Variants in TECTA observed in about 807,000 individuals in gnomAD.
The protein encoded by TECTA is alpha-tectorin.
In TECTA, 128 loss-of-function variants were observed where a neutral mutation model predicts 216.8. The ratio of observed to expected loss-of-function variants is 0.59; its 90% CI spans 0.51 to 0.68. The LOEUF is 0.68. Ranked by LOEUF, TECTA falls within the 30% of genes least tolerant of loss-of-function variation. TECTA has a pLI of 0.00. For synonymous variants in TECTA, 1,089 were observed against 1,117.1 expected, an observed-to-expected ratio of 0.97 and a Z score of 0.50; for missense variants, 2,551 against 2,786.2, an observed-to-expected ratio of 0.92 and a Z score of 1.90.
rs749069103 is a variant in TECTA at position 121,130,020 on chromosome 11, A to G, written c.2750A>G (p.Asp917Gly). 3 of 1,610,070 alleles carry G rather than the reference A, an allele frequency of 1.9e-6. No homozygotes were observed. In the African/African-American group the frequency reaches 4.0e-5, roughly 22 times the overall value. Residue 917 changes from aspartate (D) to glycine (G), a missense_variant, in exon 10 of 24, where the codon GAC becomes GGC. This residue lies in a region of TECTA where 2,375 missense variants were observed against 2,563.9 expected (regional missense o/e 0.93). Coordinates refer to ENST00000392793, the MANE Select transcript of TECTA (RefSeq NM_005422.4). ...CGCTCCAGGTGCGGCATCATCAACGACCCCTCCAACAGCTCCTTCCTGGAG... is the reference window on the plus strand; with the variant it reads ...CGCTCCAGGTGCGGCATCATCAACGGCCCCTCCAACAGCTCCTTCCTGGAG... ...RSRSRCGIIN[D>G]PSNSSFLECH...
At chr11:121,129,180 A>G (rs555886604) in intron 9 of TECTA, among the ~76,000 whole-genome samples, 4 of 152,356 alleles carry the variant, frequency 2.6e-5, no homozygotes, top group African/African-American at 9.6e-5. Flanking sequence ...ACTAGTAGGA[A>G]GTAGATAGAA....
rs565970705 is a variant in TECTA at position 121,166,074 on chromosome 11, G to A, written c.5384-504G>A. On this transcript the variant is annotated intron_variant, in intron 17 of 23. Coordinates refer to ENST00000392793, the MANE Select transcript of TECTA (RefSeq NM_005422.4). ...GTTTCTGTAGTGCTTATTAGCCAGT[G>A]TTTATATGCTCAAGAGAAAATGTCA... Among the ~76,000 whole-genome samples the A allele has an allele frequency of 6.4e-4, 98 of 152,356 alleles. 1 individual carries two copies. Among genetic ancestry groups the A allele is most frequent in the Admixed American group, 2.5e-3 (39 of 15,302 alleles).
In TECTA at chr11:121,190,601, C is replaced by G; in HGVS notation, c.6368-105C>G. Reference sequence around the variant, plus strand: ...CCATTTAGGTAAAATGGGTTCTTGGCAATGAAGTTTCCTTTCTTTAGCTGA... The same window carrying G: ...CCATTTAGGTAAAATGGGTTCTTGGGAATGAAGTTTCCTTTCTTTAGCTGA... On this transcript the variant is annotated intron_variant, in intron 23 of 23. Transcript: ENST00000392793. 7 of 885,960 alleles carry G rather than the reference C, an allele frequency of 7.9e-6. No individual in the cohort carries two copies. In the South Asian group the frequency reaches 9.7e-5, roughly 12 times the overall value. 54.9% of individuals were successfully genotyped at this position (885,960 alleles called of 1,614,324 possible).
intron 20 of TECTA, among the ~76,000 whole-genome samples, chr11:121,171,857 A>G (rs1947115639): frequency 6.6e-6 from 1 of 152,178 alleles, no homozygotes; most frequent in Admixed American, 6.5e-5. Flanking sequence ...GTTATCTGCA[A>G]AGGGACAGTT....
chr11:121,150,648 T>A (rs968318465), intron 12 of TECTA, among the ~76,000 whole-genome samples: 1 of 113,470 alleles, frequency 8.8e-6, no homozygotes, highest in Non-Finnish European at 2.0e-5. Flanking sequence ...TTTTAATTTT[T>A]TTTTTTTTTT....
At position 121,166,567 on chromosome 11, in the gene TECTA, T is replaced by C. The variant is rs1947054928; in HGVS notation, c.5384-11T>C. On this transcript the variant is annotated splice_polypyrimidine_tract_variant and intron_variant, in intron 17 of 23. Coordinates refer to ENST00000392793, the MANE Select transcript of TECTA (RefSeq NM_005422.4). ...CCACTGATTTGCCTTTCGTAATAAC[T>C]GTTCCCACAGACTCACATGACATTA... 5 of 1,614,026 alleles carry C rather than the reference T, an allele frequency of 3.1e-6. No homozygotes were observed. Among genetic ancestry groups the C allele is most frequent in the Non-Finnish European group, 8.5e-7 (1 of 1,180,012 alleles).
intron 7 of TECTA, among the ~76,000 whole-genome samples, chr11:121,124,732 G>T (rs1228308686): frequency 6.6e-6 from 1 of 152,162 alleles, no homozygotes; most frequent in African/African-American, 2.4e-5. Flanking sequence ...TTGTGTTGTT[G>T]TTGAATGGTT....
rs762098237 is a variant in TECTA, at chr11:121,125,652, C to T, written c.1554C>T (p.Tyr518=). ...TQCDAATEAL[Y]FGSDYCGFLN... ...GCGACGCTGCCACTGAAGCCCTCTA[C>T]TTTGGCTCTGACTACTGCGGCTTCC... The change falls in exon 8 of 24, where the codon TAC becomes TAT. Residue 518 remains tyrosine (Y), a synonymous_variant. Transcript: ENST00000392793. The T allele has an allele frequency of 9.3e-6, 15 of 1,611,254 alleles. No homozygotes were observed. The highest frequency in any genetic ancestry group is 5.3e-5 in the African/African-American group (4 of 74,862).
intron 12 of TECTA, among the ~76,000 whole-genome samples, chr11:121,149,935 G>T (rs1946874096): frequency 6.6e-6 from 1 of 152,108 alleles, no homozygotes; most frequent in South Asian, 2.1e-4. Context: ...CACTGTTTTG[G>T]GTGGCATGGA....
At chr11:121,170,201 T>C (rs1939935) in intron 20 of TECTA, among the ~76,000 whole-genome samples, 29,600 of 152,234 alleles carry the variant, frequency 0.19, 3,575 homozygotes, top group Non-Finnish European at 0.27. Context: ...TTTTTAAGGC[T>C]GAATAGTATT....
chr11:121,103,646 G>A (rs1403348268), intron 2 of TECTA, among the ~76,000 whole-genome samples: 1 of 152,040 alleles, frequency 6.6e-6, no homozygotes, highest in Non-Finnish European at 1.5e-5. Flanking sequence ...GGCAAGCATG[G>A]ATAGGGATAT....
At chr11:121,131,779 T>A (rs78727156) in intron 10 of TECTA, among the ~76,000 whole-genome samples, 2 of 152,328 alleles carry the variant, frequency 1.3e-5, no homozygotes, top group East Asian at 3.9e-4. Flanking sequence ...CCAGTTATTT[T>A]GCAGACTGTT....
chr11:121,144,347 AG>A (rs1158367135), intron 11 of TECTA, among the ~76,000 whole-genome samples: 1 of 152,152 alleles, frequency 6.6e-6, no homozygotes, highest in Admixed American at 6.5e-5. Flanking sequence ...TCCTGGGGCC[AG>A]GGGGACAAGT....
At chr11:121,156,259 C>T (rs1946939977) in intron 13 of TECTA, among the ~76,000 whole-genome samples, 1 of 152,224 alleles carries the variant, frequency 6.6e-6, no homozygotes, top group Admixed American at 6.5e-5. Flanking sequence ...ACTGCAGCCT[C>T]TACCTCACAG....
chr11:121,175,865 G>C (rs1947160764), intron 20 of TECTA, among the ~76,000 whole-genome samples: 1 of 152,160 alleles, frequency 6.6e-6, no homozygotes, highest in Non-Finnish European at 1.5e-5. Flanking sequence ...TTATGAATCT[G>C]GGTGCTCCTG....
Position 121,158,294 on chromosome 11 carries a change from G to C in TECTA, c.4689+70G>C, listed in dbSNP as rs774233608. The C allele has an allele frequency of 1.9e-6, 3 of 1,592,094 alleles. No homozygotes were observed. The East Asian group carries it at 6.7e-5, about 36-fold the overall frequency. ...GGGGTTGGCTAGGGGACTGTGTAGG[G>C]TTCTCCCAGATAGCCAAGTTGTAGG... On this transcript the variant is annotated intron_variant, in intron 14 of 23. Transcript: ENST00000392793.
intron 10 of TECTA, among the ~76,000 whole-genome samples, chr11:121,130,751 G>T (rs1946666236): frequency 1.3e-5 from 2 of 152,154 alleles, no homozygotes; most frequent in Admixed American, 6.5e-5. Flanking sequence ...AAACTTTCTG[G>T]GAAGACCTGA....
chr11:121,125,827 GCCCTTGGCATT>G lies in TECTA; in HGVS notation c.1732_1742del (p.Leu578AsnfsTer144). On this transcript the variant is annotated frameshift_variant, in exon 8 of 24. Coordinates refer to ENST00000392793, the MANE Select transcript of TECTA (RefSeq NM_005422.4). LOFTEE classifies it high-confidence loss of function. ...CCAGGCCTATGCTCTTGTGTGCCAA[GCCCTTGGCATT>G]CCAATTGGAGACTGGCGAACCCAGA... 6.2e-7 allele frequency: 1 copy of G among 1,613,322 alleles called. No individual in the cohort carries two copies. The highest frequency in any genetic ancestry group is 1.1e-5 in the South Asian group (1 of 91,088).
chr11:121,166,822 A>T (rs1430685237), intron 18 of TECTA, 42 bp downstream of exon 18: 1 of 1,606,778 alleles, frequency 6.2e-7, no homozygotes, highest in Admixed American at 1.7e-5. Context: ...AGAGGCAGCG[A>T]CAGCTTCGAG....
Sources: gnomAD v4.1 joint callset for allele counts (sites outside exome capture counted in the v4.1 genomes callset) on GRCh38, gnomAD v4.1.1 for gene constraint, gnomAD v4.1.1 regional missense constraint, MANE v1.5 for transcripts, NCBI Gene and HGNC (gene_info 2026-07-23, HGNC 2026-07-21) for gene names.